CLTCL1: variants seen among roughly 807,000 people sequenced by gnomAD.
CLTCL1 encodes clathrin heavy chain like 1.
In CLTCL1, 159 loss-of-function variants were observed where a neutral mutation model predicts 190.0. The observed-to-expected ratio is 0.84, with a 90% CI of 0.74 to 0.95. CLTCL1 has a LOEUF of 0.95. CLTCL1 is among the 40% of genes least tolerant of loss of function. The pLI, the probability that CLTCL1 is intolerant of heterozygous loss-of-function variation, is 0.00. For synonymous variants in CLTCL1, 752 were observed against 769.6 expected (o/e 0.98, Z 0.38); for missense variants, 1,878 against 2,033.4 (o/e 0.92, Z 1.47).
intron 18 of CLTCL1, among the ~76,000 whole-genome samples, 190 bp downstream of exon 18, chr22:19,219,695 G>T (rs2085506466): frequency 6.6e-6 from 1 of 151,998 alleles, no homozygotes; most frequent in Admixed American, 6.6e-5. Context: ...CGTTGGCCAG[G>T]CTGGTCTTGA....
intron 1 of CLTCL1, among the ~76,000 whole-genome samples, chr22:19,290,990 C>G (rs562685850): frequency 1.2e-4 from 18 of 152,346 alleles, no homozygotes; most frequent in African/African-American, 2.9e-4. Flanking sequence ...GACGCCCGAC[C>G]TGAGCCTTTG....
intron 2 of CLTCL1, among the ~76,000 whole-genome samples, chr22:19,273,272 GA>G (rs1181114043): frequency 6.6e-6 from 1 of 152,150 alleles, no homozygotes; most frequent in Non-Finnish European, 1.5e-5. Flanking sequence ...AATGATCTGA[GA>G]TTTTACTGCT....
intron 1 of CLTCL1, among the ~76,000 whole-genome samples, chr22:19,281,489 C>T (rs1045275346): frequency 2.4e-4 from 37 of 152,048 alleles, no homozygotes; most frequent in Non-Finnish European, 2.4e-4. Flanking sequence ...GTGACACATC[C>T]TAAAGTGTTT....
intron 29 of CLTCL1, chr22:19,184,908 C>CGG: frequency 1.2e-5 from 3 of 249,454 alleles, no homozygotes; most frequent in Non-Finnish European, 2.4e-5. Context: ...GGTCCCCATC[C>CGG]CTGTGTCCAG....
At chr22:19,243,453 A>G (rs1555966544) in intron 3 of CLTCL1, among the ~76,000 whole-genome samples, 2 of 152,122 alleles carry the variant, frequency 1.3e-5, no homozygotes, top group African/African-American at 2.4e-5. Context: ...CGCCATCTCT[A>G]CAAAAAAATA....
At chr22:19,286,599 A>C (rs2087915640) in intron 1 of CLTCL1, among the ~76,000 whole-genome samples, 1 of 152,166 alleles carries the variant, frequency 6.6e-6, no homozygotes, top group African/African-American at 2.4e-5. Flanking sequence ...TGACCCCCAG[A>C]AGCCTCTCCA....
chr22:19,229,465 A>T (rs1368093322), intron 11 of CLTCL1, among the ~76,000 whole-genome samples: 1 of 152,156 alleles, frequency 6.6e-6, no homozygotes, highest in Non-Finnish European at 1.5e-5. Context: ...TTACATAGTT[A>T]CTCTGGGATA....
chr22:19,291,658 C>G lies in CLTCL1; in HGVS notation c.-17G>C, dbSNP rs1555994108. On this transcript the variant is annotated 5_prime_UTR_variant, in exon 1 of 33. Transcript: ENST00000427926. ...CTGCGCCATGGCTGGTGCGGGACCT[C>G]GGCGGCGGCGGCGGCAGCGGCAGGA... is the stretch of plus-strand genomic sequence containing the variant. 7.5e-7 allele frequency: 1 copy of G among 1,334,268 alleles called. No homozygotes were observed. Among genetic ancestry groups the G allele is most frequent in the South Asian group, 1.8e-5 (1 of 54,870 alleles). 82.7% of individuals were successfully genotyped at this position (1,334,268 alleles called of 1,614,324 possible).
At chr22:19,215,459 C>T (rs540003501) in intron 19 of CLTCL1, among the ~76,000 whole-genome samples, 39 of 152,342 alleles carry the variant, frequency 2.6e-4, no homozygotes, top group African/African-American at 8.2e-4. Flanking sequence ...TGCGGAAGCA[C>T]GCACTCTTAC....
chr22:19,201,598 G>A (rs1159462895), intron 22 of CLTCL1, 105 bp from the exon 23 acceptor site: 2 of 1,240,126 alleles, frequency 1.6e-6, no homozygotes, highest in Non-Finnish European at 2.3e-6. Context: ...TGTTTGCTAG[G>A]GTGGTAAGCA....
intron 18 of CLTCL1, among the ~76,000 whole-genome samples, chr22:19,218,083 T>C (rs1248509320): frequency 6.6e-6 from 1 of 152,124 alleles, no homozygotes; most frequent in Non-Finnish European, 1.5e-5. Context: ...TACAGGAGCA[T>C]TGCAGTTGAA....
chr22:19,254,617 A>G (rs1472994093), intron 2 of CLTCL1, among the ~76,000 whole-genome samples: 2 of 152,218 alleles, frequency 1.3e-5, no homozygotes, highest in Non-Finnish European at 2.9e-5. Flanking sequence ...TTTTCAAGAA[A>G]GACTACAACT....
intron 32 of CLTCL1, 94 bp from the exon 33 acceptor site, chr22:19,180,063 G>C (rs1569135346): frequency 4.1e-6 from 3 of 731,102 alleles, no homozygotes; most frequent in Non-Finnish European, 4.7e-6. Flanking sequence ...CCAGGGAGCA[G>C]GGTCTATAGG....
At chr22:19,194,446 C>CA (rs1428033061) in intron 26 of CLTCL1, among the ~76,000 whole-genome samples, 2 of 152,182 alleles carry the variant, frequency 1.3e-5, no homozygotes, top group African/African-American at 4.8e-5. Flanking sequence ...CGCGCCACTG[C>CA]ACTCCAGCCT....
chr22:19,237,301 C>T (rs576170639), intron 5 of CLTCL1, among the ~76,000 whole-genome samples: 1 of 152,064 alleles, frequency 6.6e-6, no homozygotes, highest in African/African-American at 2.4e-5. Flanking sequence ...ATAGCAAGAC[C>T]CCATCTCTAC....
At chr22:19,258,812 C>T in intron 2 of CLTCL1, 2 of 670,330 alleles carry the variant, frequency 3.0e-6, no homozygotes, top group Non-Finnish European at 5.5e-6. Context: ...ATTGAGCCAG[C>T]AGAAGCAGGG....
rs1012990654 is a variant in CLTCL1 at position 19,257,995 on chromosome 22, T to C, written c.251-3768A>G. The C allele has an allele frequency of 7.9e-5, 46 of 581,078 alleles. 2 individuals are homozygous for C. The highest frequency in any genetic ancestry group is 5.9e-4 in the South Asian group (42 of 71,682). The allele number at this position is 581,078 out of a possible 1,614,324, so 36.0% of individuals were successfully genotyped here. A position where few individuals can be genotyped will look rare whatever the true frequency, so the allele number is the denominator to read the frequency against. ...TCGTTCTGCACACTGACAATGCCCATCTTGCTGCTGCTGACTTTAGAGTCA... is the reference window on the plus strand; with the variant it reads ...TCGTTCTGCACACTGACAATGCCCACCTTGCTGCTGCTGACTTTAGAGTCA... On this transcript the variant is annotated intron_variant, in intron 2 of 32. Transcript: ENST00000427926.
rs184479672 is a variant in CLTCL1, at chr22:19,251,702, C to T, written c.519+2257G>A. ...CAATCTCCTGACCTCGTGATCCGCC[C>T]GCCTTGGCCTCCCAAAGTGCTGGGA... is the stretch of plus-strand genomic sequence containing the variant. On this transcript the variant is annotated intron_variant, in intron 3 of 32. Coordinates refer to ENST00000427926, the MANE Select transcript of CLTCL1 (RefSeq NM_007098.4). Among the ~76,000 whole-genome samples the T allele has an allele frequency of 2.4e-3, 361 of 152,112 alleles. 1 individual carries two copies. Among genetic ancestry groups the T allele is most frequent in the African/African-American group, 8.1e-3 (337 of 41,510 alleles).
At chr22:19,251,582 G>A (rs570725631) in intron 3 of CLTCL1, among the ~76,000 whole-genome samples, 3 of 152,196 alleles carry the variant, frequency 2.0e-5, no homozygotes, top group African/African-American at 2.4e-5. Flanking sequence ...TCAGCCTCCC[G>A]AGTAGCTGGG....
Sources: allele counts gnomAD v4.1 joint callset (sites outside exome capture counted in the v4.1 genomes callset), GRCh38; gene constraint gnomAD v4.1.1; transcripts MANE v1.5; gene names NCBI Gene and HGNC (gene_info 2026-07-23, HGNC 2026-07-21).